Variants in CAMK1D observed in about 807,000 individuals in gnomAD.
CAMK1D encodes calcium/calmodulin-dependent protein kinase type 1D.
A neutral mutation model predicts 47.7 loss-of-function variants in CAMK1D; 9 were observed. The observed-to-expected ratio is 0.19, with a 90% confidence interval of 0.11 to 0.33. CAMK1D has a LOEUF of 0.33. Among genes scored for constraint, CAMK1D ranks in the 10% least tolerant of loss-of-function variants. The pLI is 1.00. For missense variants in CAMK1D, 291 were observed against 488.7 expected, an observed-to-expected ratio of 0.60 and a Z score of 3.81; for synonymous variants, 184 against 184.9, an observed-to-expected ratio of 0.99 and a Z score of 0.04.
intron 1 of CAMK1D, among the ~76,000 whole-genome samples, chr10:12,405,861 T>C (rs1319567868): frequency 2.6e-5 from 4 of 152,248 alleles, no homozygotes; most frequent in Non-Finnish European, 5.9e-5. Flanking sequence ...AGACTTCTGC[T>C]TAGCAATAAT....
At chr10:12,408,877 G>A (rs1481923427) in intron 1 of CAMK1D, among the ~76,000 whole-genome samples, 14 of 131,368 alleles carry the variant, frequency 1.1e-4, no homozygotes, top group Non-Finnish European at 1.9e-4. Flanking sequence ...GTTCTGAGTC[G>A]GAGTCTCTTT....
intron 1 of CAMK1D, among the ~76,000 whole-genome samples, chr10:12,448,054 A>G (rs7906177): frequency 0.054 from 7,822 of 144,280 alleles, 241 homozygotes; most frequent in Middle Eastern, 0.1. Flanking sequence ...GGGTTTCACC[A>G]TGTTGGTCAG....
At chr10:12,799,692 C>G (rs964385111) in intron 6 of CAMK1D, among the ~76,000 whole-genome samples, 1 of 152,192 alleles carries the variant, frequency 6.6e-6, no homozygotes, top group African/African-American at 2.4e-5. Context: ...ATGAGCTGCT[C>G]TGAAAGTGGT....
intron 1 of CAMK1D, among the ~76,000 whole-genome samples, chr10:12,464,631 C>T (rs752236231): frequency 5.3e-5 from 8 of 151,984 alleles, no homozygotes; most frequent in Admixed American, 2.0e-4. Context: ...CTGACTAACA[C>T]GGTGAAACCC....
chr10:12,364,200 AG>A (rs1443304492), intron 1 of CAMK1D, among the ~76,000 whole-genome samples: 5 of 149,078 alleles, frequency 3.4e-5, no homozygotes, highest in African/African-American at 1.2e-4. Context: ...AGAGGCATGT[AG>A]AAAGTTAGGA....
chr10:12,385,062 C>A (rs935421031), intron 1 of CAMK1D, among the ~76,000 whole-genome samples: 2 of 152,212 alleles, frequency 1.3e-5, no homozygotes, highest in Admixed American at 1.3e-4. Context: ...GATGTCACTT[C>A]ATACCCGCTA....
At chr10:12,395,576 G>C (rs1056901464) in intron 1 of CAMK1D, among the ~76,000 whole-genome samples, 1 of 152,126 alleles carries the variant, frequency 6.6e-6, no homozygotes, top group African/African-American at 2.4e-5. Context: ...CCTAATGTAA[G>C]TGAGGAATGT....
In CAMK1D at chr10:12,740,568, A is replaced by G. The variant is rs148645315; in HGVS notation, c.300-20380A>G. Among the ~76,000 whole-genome samples the G allele has an allele frequency of 5.3e-5, 8 of 152,304 alleles. No homozygotes were observed. The East Asian group carries it at 1.5e-3, about 29-fold the overall frequency. Reference sequence around the variant, plus strand: ...AACTGAGATCATGCCACTGCGCTCCAGCCTGGGTAACAGAGGGAGACTCCA... The same window carrying G: ...AACTGAGATCATGCCACTGCGCTCCGGCCTGGGTAACAGAGGGAGACTCCA... On this transcript the variant is annotated intron_variant, in intron 3 of 10. Coordinates refer to ENST00000619168, the MANE Select transcript of CAMK1D (RefSeq NM_153498.4).
At chr10:12,427,700 G>GTTTTTTGTTTTTTTT (rs1840284197) in intron 1 of CAMK1D, among the ~76,000 whole-genome samples, 1 of 31,030 alleles carries the variant, frequency 3.2e-5, no homozygotes, top group Non-Finnish European at 6.2e-5. Context: ...TGAACTTACT[G>GTTTTTTGTTTTTTTT]TTTTTTTTTT....
intron 2 of CAMK1D, among the ~76,000 whole-genome samples, chr10:12,620,400 A>G (rs887460680): frequency 3.9e-5 from 6 of 152,186 alleles, no homozygotes; most frequent in Admixed American, 3.3e-4. Context: ...TGTGTGAGTG[A>G]TCGTTTCTCT....
At chr10:12,790,040 G>T (rs1205219895) in intron 5 of CAMK1D, among the ~76,000 whole-genome samples, 2 of 152,258 alleles carry the variant, frequency 1.3e-5, no homozygotes, top group African/African-American at 4.8e-5. Context: ...CACAGGCCAG[G>T]AACAGGGAGT....
intron 1 of CAMK1D, among the ~76,000 whole-genome samples, chr10:12,408,163 C>G (rs183957456): frequency 4.5e-4 from 68 of 149,558 alleles, no homozygotes; most frequent in African/African-American, 1.7e-3. Context: ...TGGCCTCTTT[C>G]ATTTTCTTTT....
At position 12,547,641 on chromosome 10, in the gene CAMK1D, C is replaced by CG. The variant is rs1479898685; in HGVS notation, c.93-5584_93-5583insG. Reference sequence around the variant, plus strand: ...TTAGTGTTTCCTGTCACGAGGACACCCCCCCCCCAACCCTGCACTCTCTCT... The same window carrying CG: ...TTAGTGTTTCCTGTCACGAGGACACCGCCCCCCCCAACCCTGCACTCTCTCT... On this transcript the variant is annotated intron_variant, in intron 1 of 10. Transcript: ENST00000619168. Among the ~76,000 whole-genome samples, 4 of 116,844 alleles carry CG rather than the reference C, an allele frequency of 3.4e-5. No homozygotes were observed. The East Asian group carries it at 9.4e-4, about 27-fold the overall frequency. 76.7% of individuals were successfully genotyped at this position (116,844 alleles called of 152,430 possible).
chr10:12,646,685 A>G (rs1350894786), intron 2 of CAMK1D, among the ~76,000 whole-genome samples: 1 of 152,220 alleles, frequency 6.6e-6, no homozygotes, highest in African/African-American at 2.4e-5. Flanking sequence ...GCACATACTA[A>G]GCTCTGAGTA....
chr10:12,399,606 C>T (rs536066970), intron 1 of CAMK1D, among the ~76,000 whole-genome samples: 1 of 152,148 alleles, frequency 6.6e-6, no homozygotes, highest in South Asian at 2.1e-4. Context: ...ACTATGACAC[C>T]TAATGAAGGG....
intron 5 of CAMK1D, among the ~76,000 whole-genome samples, chr10:12,788,360 T>C (rs1265504660): frequency 6.6e-6 from 1 of 152,206 alleles, no homozygotes; most frequent in East Asian, 1.9e-4. Context: ...GTTTGATATC[T>C]GGTTCTGTGG....
At chr10:12,516,398 C>T (rs891567083) in intron 1 of CAMK1D, among the ~76,000 whole-genome samples, 8 of 152,162 alleles carry the variant, frequency 5.3e-5, no homozygotes, top group African/African-American at 9.7e-5. Flanking sequence ...TGAGCCACCG[C>T]GCCCAGCCTC....
At chr10:12,380,597 C>A (rs1467756724) in intron 1 of CAMK1D, among the ~76,000 whole-genome samples, 1 of 152,174 alleles carries the variant, frequency 6.6e-6, no homozygotes, top group Non-Finnish European at 1.5e-5. Context: ...GTGGCTCATG[C>A]CTGTAATCCC....
chr10:12,547,229 T>C (rs905044298), intron 1 of CAMK1D, among the ~76,000 whole-genome samples: 23 of 151,716 alleles, frequency 1.5e-4, no homozygotes, highest in Non-Finnish European at 2.5e-4. Context: ...CAAAAACCAG[T>C]AGGATGAGCA....
Sources: allele counts gnomAD v4.1 joint callset (sites outside exome capture counted in the v4.1 genomes callset), GRCh38; gene constraint gnomAD v4.1.1; transcripts MANE v1.5; gene names NCBI Gene and HGNC (gene_info 2026-07-23, HGNC 2026-07-21).